The following ADGRL3 variants were observed in gnomAD, a reference collection of about 807,000 sequenced individuals.
The protein encoded by ADGRL3 is adhesion G protein-coupled receptor L3.
In ADGRL3, 62 loss-of-function variants were observed where a neutral mutation model predicts 153.5. The ratio of observed to expected loss-of-function variants is 0.40; its 90% CI spans 0.33 to 0.50. ADGRL3 has a LOEUF of 0.50. ADGRL3 is among the 20% of genes least tolerant of loss of function. The pLI, the probability that ADGRL3 is intolerant of heterozygous loss-of-function variation, is 0.47. For missense variants in ADGRL3, 1,641 were observed against 1,859.4 expected (o/e 0.88, Z 2.16); for synonymous variants, 710 against 672.5 (o/e 1.06, Z -0.86).
intron 5 of ADGRL3, among the ~76,000 whole-genome samples, chr4:61,608,368 CTA>C (rs2099040774): frequency 6.6e-6 from 1 of 152,156 alleles, no homozygotes; most frequent in South Asian, 2.1e-4. Flanking sequence ...ATGCTAAAGA[CTA>C]TTTCAGAGAA....
At chr4:61,618,987 G>C (rs1292865201) in intron 5 of ADGRL3, among the ~76,000 whole-genome samples, 1 of 152,098 alleles carries the variant, frequency 6.6e-6, no homozygotes, top group Non-Finnish European at 1.5e-5. Flanking sequence ...CAAAGTACTG[G>C]GATTACAGGC....
At position 62,006,032 on chromosome 4, in the gene ADGRL3, A is replaced by ATATTTTT. The variant is rs1203029363; in HGVS notation, c.3395+7768_3395+7769insATTTTTT. Among the ~76,000 whole-genome samples, 259 of 73,068 alleles carry ATATTTTT rather than the reference A, an allele frequency of 3.5e-3. 3 individuals are homozygous for ATATTTTT. Among genetic ancestry groups the ATATTTTT allele is most frequent in the Non-Finnish European group, 5.8e-3 (219 of 37,994 alleles). The allele number at this position is 73,068 out of a possible 152,430, so 47.9% of individuals were successfully genotyped here. ...TATATATATATATATATATATATAT[A>ATATTTTT]TTTTTTTTTTTTTTTGAGAAAGGGT... On this transcript the variant is annotated intron_variant, in intron 21 of 26. Transcript: ENST00000683033.
chr4:61,227,247 C>T (rs1456500115), intron 1 of ADGRL3, among the ~76,000 whole-genome samples: 1 of 152,016 alleles, frequency 6.6e-6, no homozygotes, highest in Non-Finnish European at 1.5e-5. Flanking sequence ...ACTTCATCAC[C>T]CAGGCTGGAG....
At chr4:61,694,848 A>G (rs2095611442) in intron 6 of ADGRL3, among the ~76,000 whole-genome samples, 2 of 152,162 alleles carry the variant, frequency 1.3e-5, no homozygotes, top group African/African-American at 2.4e-5. Context: ...AATATTCCAA[A>G]TCCTTTGTTG....
intron 2 of ADGRL3, among the ~76,000 whole-genome samples, chr4:61,492,769 G>A (rs1355496319): frequency 6.6e-6 from 1 of 152,010 alleles, no homozygotes; most frequent in Admixed American, 6.6e-5. Flanking sequence ...AAGTTTCCAA[G>A]TAGTTGATGA....
chr4:61,481,905 C>A (rs1387891521), intron 2 of ADGRL3, among the ~76,000 whole-genome samples: 1 of 151,920 alleles, frequency 6.6e-6, no homozygotes, highest in Non-Finnish European at 1.5e-5. Flanking sequence ...GCATTTTTAA[C>A]AAAATTACTA....
intron 2 of ADGRL3, among the ~76,000 whole-genome samples, chr4:61,471,828 T>A (rs962877201): frequency 3.3e-5 from 5 of 151,758 alleles, no homozygotes; most frequent in African/African-American, 1.2e-4. Flanking sequence ...ATTGTAAACA[T>A]TTTTTTTGTA....
rs562479564 is a variant in ADGRL3, at chr4:61,583,518, A to G, written c.260-3709A>G. On this transcript the variant is annotated intron_variant, in intron 4 of 26. Coordinates refer to ENST00000683033, the MANE Select transcript of ADGRL3 (RefSeq NM_001387552.1). ...AACAAGTGAGCAAGAATAGGGAGCT[A>G]TTTCTTTTATTATTTGATATTTATA... is the stretch of plus-strand genomic sequence containing the variant. Among the ~76,000 whole-genome samples the G allele has an allele frequency of 9.9e-5, 15 of 152,136 alleles. No individual in the cohort carries two copies. The East Asian group carries it at 2.9e-3, about 30-fold the overall frequency.
intron 21 of ADGRL3, among the ~76,000 whole-genome samples, chr4:62,011,294 A>G (rs1007236978): frequency 1.1e-4 from 16 of 152,098 alleles, no homozygotes; most frequent in Non-Finnish European, 2.4e-4. Flanking sequence ...GAACACAATT[A>G]AACTTGGGAA....
intron 4 of ADGRL3, among the ~76,000 whole-genome samples, chr4:61,525,098 A>G (rs1341205871): frequency 1.3e-5 from 2 of 152,054 alleles, no homozygotes; most frequent in Non-Finnish European, 2.9e-5. Flanking sequence ...AATGCAGTCA[A>G]CTCTATGATT....
intron 9 of ADGRL3, among the ~76,000 whole-genome samples, chr4:61,822,506 A>G (rs184847703): frequency 6.6e-6 from 1 of 152,216 alleles, no homozygotes; most frequent in Non-Finnish European, 1.5e-5. Flanking sequence ...GACTTTAATT[A>G]AAATTATATT....
At chr4:61,780,802 A>G (rs1317049346) in intron 8 of ADGRL3, among the ~76,000 whole-genome samples, 1 of 152,168 alleles carries the variant, frequency 6.6e-6, no homozygotes, top group Admixed American at 6.5e-5. Flanking sequence ...GTCTGAGTGA[A>G]AGTAGGGAAC....
At chr4:62,010,763 C>G (rs1033341742) in intron 21 of ADGRL3, among the ~76,000 whole-genome samples, 1 of 152,034 alleles carries the variant, frequency 6.6e-6, no homozygotes, top group Non-Finnish European at 1.5e-5. Context: ...GTAGAACTCA[C>G]TCTAATATTT....
chr4:61,503,475 G>A (rs1235762625), intron 3 of ADGRL3, among the ~76,000 whole-genome samples: 1 of 151,886 alleles, frequency 6.6e-6, no homozygotes, highest in Admixed American at 6.6e-5. Flanking sequence ...ACAATATAAA[G>A]TCATTGTTTT....
intron 9 of ADGRL3, among the ~76,000 whole-genome samples, chr4:61,829,384 G>A (rs2097845810): frequency 6.6e-6 from 1 of 151,804 alleles, no homozygotes; most frequent in South Asian, 2.1e-4. Context: ...ATATCCTTTG[G>A]GATTTTAAAA....
At chr4:61,517,281 A>G in intron 3 of ADGRL3, 34 bp from the exon 4 acceptor site, 1 of 700,584 alleles carries the variant, frequency 1.4e-6, no homozygotes. Context: ...TGAGGTGAGC[A>G]GGGGTCTGAT....
chr4:61,637,894 C>A (rs1248757561), intron 5 of ADGRL3, among the ~76,000 whole-genome samples: 1 of 152,140 alleles, frequency 6.6e-6, no homozygotes, highest in Non-Finnish European at 1.5e-5. Flanking sequence ...ATTCAAATAC[C>A]TGGATAGTAG....
intron 4 of ADGRL3, among the ~76,000 whole-genome samples, chr4:61,564,397 C>G (rs1008100734): frequency 3.3e-5 from 5 of 152,042 alleles, no homozygotes; most frequent in African/African-American, 7.2e-5. Context: ...ACCTCAGCCT[C>G]CTTAGTAGCT....
intron 4 of ADGRL3, among the ~76,000 whole-genome samples, chr4:61,578,942 G>C (rs1293728790): frequency 2.0e-5 from 3 of 151,970 alleles, no homozygotes; most frequent in African/African-American, 7.2e-5. Flanking sequence ...CCATCTTCTG[G>C]GTCATCGGCC....
Sources: gnomAD v4.1 joint callset for allele counts (sites outside exome capture counted in the v4.1 genomes callset) on GRCh38, gnomAD v4.1.1 for gene constraint, MANE v1.5 for transcripts, NCBI Gene and HGNC (gene_info 2026-07-23, HGNC 2026-07-21) for gene names.